SLC25A17: variants seen among roughly 807,000 people sequenced by gnomAD.
The protein encoded by SLC25A17 is peroxisomal membrane protein PMP34.
In SLC25A17, 26 loss-of-function variants were observed where a neutral mutation model predicts 38.5. The observed-to-expected ratio is 0.68, with a 90% confidence interval of 0.50 to 0.94. The LOEUF is 0.94. SLC25A17 is among the 40% of genes least tolerant of loss of function. The pLI, the probability that SLC25A17 is intolerant of heterozygous loss-of-function variation, is 0.00. For missense variants in SLC25A17, 333 were observed against 372.7 expected, an observed-to-expected ratio of 0.89 and a Z score of 0.88; for synonymous variants, 139 against 136.2, an observed-to-expected ratio of 1.02 and a Z score of -0.14.
chr22:40,804,034 A>C (rs1799597912), intron 1 of SLC25A17, among the ~76,000 whole-genome samples: 1 of 152,080 alleles, frequency 6.6e-6, no homozygotes, highest in African/African-American at 2.4e-5. Flanking sequence ...TATCATCAAG[A>C]GCTTTTTCTC....
Position 40,799,004 on chromosome 22 carries a change from G to A in SLC25A17, c.115+19C>T. ...TTGCTTCCTGACACCATACAAATAG[G>A]AGTATGATTTCTACTTACCCTGAAG... On this transcript the variant is annotated intron_variant, in intron 2 of 8. Coordinates refer to ENST00000435456, the MANE Select transcript of SLC25A17 (RefSeq NM_006358.4). 6.5e-7 allele frequency: 1 copy of A among 1,534,988 alleles called. No individual in the cohort carries two copies. The highest frequency in any genetic ancestry group is 9.0e-7 in the Non-Finnish European group (1 of 1,109,208).
intron 4 of SLC25A17, among the ~76,000 whole-genome samples, chr22:40,788,595 G>T (rs541820040): frequency 2.0e-4 from 30 of 152,274 alleles, no homozygotes; most frequent in African/African-American, 5.8e-4. Context: ...GGAGGCTGAG[G>T]CAGCAGAATC....
At chr22:40,777,476 T>C (rs1602589393) in intron 5 of SLC25A17, 103 bp from the exon 6 acceptor site, 13 of 1,301,324 alleles carry the variant, frequency 1.0e-5, no homozygotes, top group East Asian at 7.1e-5. Context: ...CAAACCATAC[T>C]GGTTCTATAA....
intron 1 of SLC25A17, among the ~76,000 whole-genome samples, chr22:40,801,338 T>G (rs1229171480): frequency 4.0e-5 from 6 of 151,836 alleles, no homozygotes; most frequent in Admixed American, 3.9e-4. Context: ...AATTGGTTGT[T>G]CAGTCCTCTA....
At chr22:40,808,185 A>C (rs562706904) in intron 1 of SLC25A17, among the ~76,000 whole-genome samples, 1 of 152,154 alleles carries the variant, frequency 6.6e-6, no homozygotes, top group Non-Finnish European at 1.5e-5. Flanking sequence ...TAAACAATCT[A>C]TTTCCCAAGA....
At chr22:40,810,856 AT>A (rs993514706) in intron 1 of SLC25A17, among the ~76,000 whole-genome samples, 5 of 152,284 alleles carry the variant, frequency 3.3e-5, no homozygotes, top group Admixed American at 6.5e-5. Context: ...CTTATTAATC[AT>A]TTTTAGACAT....
At chr22:40,781,994 G>C (rs1023086108) in intron 4 of SLC25A17, among the ~76,000 whole-genome samples, 6 of 152,104 alleles carry the variant, frequency 3.9e-5, no homozygotes, top group Non-Finnish European at 8.8e-5. Context: ...GGCTGAGGCG[G>C]GTGGATCACA....
At chr22:40,805,652 T>G (rs1464057376) in intron 1 of SLC25A17, among the ~76,000 whole-genome samples, 1 of 152,030 alleles carries the variant, frequency 6.6e-6, no homozygotes, top group Non-Finnish European at 1.5e-5. Flanking sequence ...GTGCATAATT[T>G]TTGTGATATC....
chr22:40,775,215 C>G (rs578007059), intron 7 of SLC25A17, among the ~76,000 whole-genome samples: 1 of 152,314 alleles, frequency 6.6e-6, no homozygotes, highest in South Asian at 2.1e-4. Flanking sequence ...CAATCTCACC[C>G]TGAGCCACTC....
chr22:40,792,423 C>G, intron 4 of SLC25A17, 102 bp downstream of exon 4: 1 of 899,658 alleles, frequency 1.1e-6, no homozygotes, highest in Non-Finnish European at 1.6e-6. Context: ...GGAAAACTGG[C>G]TATATTCTTT....
chr22:40,774,288 A>G lies in SLC25A17; in HGVS notation c.694-269T>C, dbSNP rs575409647. On this transcript the variant is annotated intron_variant, in intron 7 of 8. Transcript: ENST00000435456. ...ACCCAGGCTGGAGTGCAATGGCACA[A>G]TTTTGGCTCACTGCAACCTCCACCT... 2.6e-5 allele frequency among the ~76,000 whole-genome samples: 4 copies of G among 151,796 alleles called. No homozygotes were observed. In the South Asian group the frequency reaches 8.3e-4, roughly 32 times the overall value.
chr22:40,798,588 A>C (rs191803665), intron 2 of SLC25A17, among the ~76,000 whole-genome samples: 1 of 145,996 alleles, frequency 6.8e-6, no homozygotes, highest in East Asian at 2.0e-4. Flanking sequence ...TCAGCTGAAA[A>C]GTTTATTTTC....
chr22:40,797,617 A>T (rs1024075298), intron 2 of SLC25A17, among the ~76,000 whole-genome samples: 3 of 152,214 alleles, frequency 2.0e-5, no homozygotes, highest in African/African-American at 7.2e-5. Context: ...TAAGGCTATG[A>T]CTCATCCAGG....
intron 1 of SLC25A17, among the ~76,000 whole-genome samples, chr22:40,810,366 A>C (rs2145704774): frequency 7.8e-6 from 1 of 127,736 alleles, no homozygotes; most frequent in South Asian, 2.5e-4. Context: ...TTTTTTTTTG[A>C]GACAGAGTTT....
At chr22:40,786,753 TAAG>T (rs2057342092) in intron 4 of SLC25A17, among the ~76,000 whole-genome samples, 2 of 152,152 alleles carry the variant, frequency 1.3e-5, no homozygotes, top group African/African-American at 4.8e-5. Context: ...CTGGGTATCA[TAAG>T]AAGAAAGGTT....
intron 4 of SLC25A17, among the ~76,000 whole-genome samples, chr22:40,781,039 C>T (rs2057289036): frequency 6.6e-6 from 1 of 151,968 alleles, no homozygotes; most frequent in African/African-American, 2.4e-5. Flanking sequence ...GGCAGGGTGG[C>T]ACACTCCTGT....
At chr22:40,796,878 G>T (rs2057435744) in intron 2 of SLC25A17, among the ~76,000 whole-genome samples, 1 of 152,178 alleles carries the variant, frequency 6.6e-6, no homozygotes, top group Non-Finnish European at 1.5e-5. Flanking sequence ...CTGTAAGACA[G>T]ACGAAGACGC....
chr22:40,770,081 C>T lies in SLC25A17; in HGVS notation c.*753G>A, dbSNP rs960748591. On this transcript the variant is annotated 3_prime_UTR_variant, in exon 9 of 9. Coordinates refer to ENST00000435456, the MANE Select transcript of SLC25A17 (RefSeq NM_006358.4). ...AATAAAGAGCAATTTTCAAGAATATCTTTTTTGTGCTGACCATTTATTGGG... is the reference window on the plus strand; with the variant it reads ...AATAAAGAGCAATTTTCAAGAATATTTTTTTTGTGCTGACCATTTATTGGG... The T allele has an allele frequency of 2.0e-5, 3 of 152,154 alleles. No individual in the cohort carries two copies. The highest frequency in any genetic ancestry group is 7.2e-5 in the African/African-American group (3 of 41,420). The allele number at this position is 152,154 out of a possible 1,614,324, so 9.4% of individuals were successfully genotyped here. A position where few individuals can be genotyped will look rare whatever the true frequency, so the allele number is the denominator to read the frequency against.
intron 1 of SLC25A17, among the ~76,000 whole-genome samples, chr22:40,807,280 A>G (rs1249263178): frequency 6.6e-6 from 1 of 152,212 alleles, no homozygotes; most frequent in Non-Finnish European, 1.5e-5. Flanking sequence ...AACCCAGTGA[A>G]GCAGGCACTA....
Sources: gnomAD v4.1 joint callset for allele counts (sites outside exome capture counted in the v4.1 genomes callset) on GRCh38, gnomAD v4.1.1 for gene constraint, MANE v1.5 for transcripts, NCBI Gene and HGNC (gene_info 2026-07-23, HGNC 2026-07-21) for gene names.